PARP11: variants seen among roughly 807,000 people sequenced by gnomAD.
PARP11 encodes the protein poly(ADP-ribose) polymerase family member 11.
Under a neutral mutation model 42.9 loss-of-function variants are expected in PARP11, and 31 were observed. That is an observed-to-expected ratio of 0.72 (90% CI 0.54 to 0.98). PARP11 has a LOEUF of 0.98. PARP11 is among the 50% of genes least tolerant of loss of function. PARP11 has a pLI of 0.00. For synonymous variants in PARP11, 137 were observed against 127.3 expected, an observed-to-expected ratio of 1.08 and a Z score of -0.51; for missense variants, 365 against 413.1, an observed-to-expected ratio of 0.88 and a Z score of 1.01.
rs1017688639 is a variant in PARP11 at position 3,873,132 on chromosome 12, A to G, written c.18+80T>C. The G allele has an allele frequency of 3.1e-6, 4 of 1,270,868 alleles. No individual in the cohort carries two copies. In the Admixed American group the frequency reaches 7.9e-5, roughly 25 times the overall value. The allele number at this position is 1,270,868 out of a possible 1,614,324, so 78.7% of individuals were successfully genotyped here. On this transcript the variant is annotated intron_variant, in intron 1 of 7. Transcript: ENST00000228820. ...ACCCAGACTGAAGCGAGCGCGGGGA[A>G]GCAGTTCCGGTGACCCCCTCCCGCC...
intron 6 of PARP11, among the ~76,000 whole-genome samples, chr12:3,819,705 A>C (rs944646053): frequency 2.0e-5 from 3 of 152,200 alleles, no homozygotes. Context: ...CTCTTAGTTT[A>C]GCTTATAAGG....
chr12:3,816,303 A>C (rs1667379592), intron 6 of PARP11, among the ~76,000 whole-genome samples: 1 of 152,210 alleles, frequency 6.6e-6, no homozygotes, highest in Admixed American at 6.5e-5. Context: ...TACCCCTTCT[A>C]GTTTTGAATC....
At position 3,840,604 on chromosome 12, in the gene PARP11, G is replaced by C. The variant is rs1947865136; in HGVS notation, c.19-10586C>G. 11 of 1,344,822 alleles carry C rather than the reference G, an allele frequency of 8.2e-6. No individual in the cohort carries two copies. The highest frequency in any genetic ancestry group is 7.0e-5 in the South Asian group (6 of 85,560). The allele number at this position is 1,344,822 out of a possible 1,614,324, so 83.3% of individuals were successfully genotyped here. On this transcript the variant is annotated intron_variant, in intron 1 of 7. Transcript: ENST00000228820. The surrounding 1 kb of genome is among the most constrained non-coding windows in gnomAD (Gnocchi z 4.4). ...TGAGGATTCTGATCACACAAGTCGA[G>C]AATCTAACTATTGCTACTTCTCAGA...
chr12:3,864,587 A>G (rs1217493515), intron 1 of PARP11, among the ~76,000 whole-genome samples: 2 of 152,206 alleles, frequency 1.3e-5, no homozygotes, highest in African/African-American at 4.8e-5. Flanking sequence ...AAATTATTTA[A>G]CAGATGTTGG....
intron 1 of PARP11, chr12:3,839,644 A>C: frequency 1.0e-6 from 1 of 1,004,912 alleles, no homozygotes; most frequent in Non-Finnish European, 1.6e-6. Context: ...TATGTACAGG[A>C]AAGATTTTAT....
intron 4 of PARP11, among the ~76,000 whole-genome samples, chr12:3,822,628 T>C (rs1178582021): frequency 6.6e-6 from 1 of 151,576 alleles, no homozygotes; most frequent in Non-Finnish European, 1.5e-5. Context: ...TTATTGACTG[T>C]CTATGTGTGC....
chr12:3,819,860 G>A (rs942062778), intron 6 of PARP11, among the ~76,000 whole-genome samples: 1 of 152,114 alleles, frequency 6.6e-6, no homozygotes, highest in African/African-American at 2.4e-5. Flanking sequence ...TACCATTCTA[G>A]CCTCCTCTCT....
chr12:3,822,364 C>T (rs985699800), intron 4 of PARP11, among the ~76,000 whole-genome samples: 5 of 151,282 alleles, frequency 3.3e-5, no homozygotes, highest in African/African-American at 7.3e-5. Context: ...TTTGGGAGGC[C>T]GAGGCGAGCG....
At chr12:3,824,148 G>A (rs933150564) in intron 4 of PARP11, among the ~76,000 whole-genome samples, 7 of 152,192 alleles carry the variant, frequency 4.6e-5, no homozygotes, top group African/African-American at 1.7e-4. Context: ...AAAGGTGTGT[G>A]ATCAAACTTT....
chr12:3,869,505 T>G (rs181094949), intron 1 of PARP11, among the ~76,000 whole-genome samples: 105 of 152,322 alleles, frequency 6.9e-4, no homozygotes, highest in Admixed American at 4.8e-3. Flanking sequence ...CCCAGCCACA[T>G]AGGCTTCTCT....
rs11062864 is a variant in PARP11, at chr12:3,845,020, A to C, written c.19-15002T>G. Among the ~76,000 whole-genome samples the C allele has an allele frequency of 5.0e-3, 765 of 151,744 alleles. 3 individuals are homozygous for C. Among genetic ancestry groups the C allele is most frequent in the African/African-American group, 0.017 (715 of 41,452 alleles). Reference sequence around the variant, plus strand: ...AAGTATAGAACTGAGGATCATTTGCATTTTTGAGTTGGAAATTATGAAACT... The same window carrying C: ...AAGTATAGAACTGAGGATCATTTGCCTTTTTGAGTTGGAAATTATGAAACT... On this transcript the variant is annotated intron_variant, in intron 1 of 7. Coordinates refer to ENST00000228820, the MANE Select transcript of PARP11 (RefSeq NM_020367.6).
intron 1 of PARP11, among the ~76,000 whole-genome samples, chr12:3,831,237 T>A (rs1017494584): frequency 6.6e-6 from 1 of 151,972 alleles, no homozygotes; most frequent in Non-Finnish European, 1.5e-5. Context: ...TCACTGCATA[T>A]CTTTCAGATC....
At chr12:3,815,509 C>A (rs1477642421) in intron 6 of PARP11, among the ~76,000 whole-genome samples, 1 of 152,240 alleles carries the variant, frequency 6.6e-6, no homozygotes, top group Admixed American at 6.5e-5. Flanking sequence ...ACTCCTGACA[C>A]AGCATAGCTT....
chr12:3,828,631 G>A (rs968511065), intron 3 of PARP11, among the ~76,000 whole-genome samples: 12 of 151,596 alleles, frequency 7.9e-5, no homozygotes, highest in Non-Finnish European at 8.8e-5. Flanking sequence ...CAACTGATAC[G>A]GTGTTTTGTG....
chr12:3,837,371 T>C (rs909943040), intron 1 of PARP11, among the ~76,000 whole-genome samples: 1 of 152,202 alleles, frequency 6.6e-6, no homozygotes, highest in African/African-American at 2.4e-5. Context: ...AGATCTCTAA[T>C]CTCTCTATAG....
chr12:3,838,239 G>T (rs1347025729), intron 1 of PARP11, among the ~76,000 whole-genome samples: 1 of 151,588 alleles, frequency 6.6e-6, no homozygotes, highest in Non-Finnish European at 1.5e-5. Context: ...CAAAAAAGCA[G>T]AAATCGTATC....
chr12:3,831,905 G>A (rs894919621), intron 1 of PARP11, among the ~76,000 whole-genome samples: 2 of 152,158 alleles, frequency 1.3e-5, no homozygotes, highest in South Asian at 4.2e-4. Context: ...GTGAGAAAGA[G>A]AGAAGGAAAG....
chr12:3,819,567 G>C (rs1947354226), intron 6 of PARP11, among the ~76,000 whole-genome samples: 1 of 152,078 alleles, frequency 6.6e-6, no homozygotes, highest in African/African-American at 2.4e-5. Flanking sequence ...TCCCAGTTGA[G>C]AACCACTGCT....
intron 2 of PARP11, among the ~76,000 whole-genome samples, chr12:3,829,266 A>G (rs1407623618): frequency 6.6e-6 from 1 of 152,236 alleles, no homozygotes; most frequent in East Asian, 1.9e-4. Flanking sequence ...ACAGATATAT[A>G]TAGAAATATA....
Sources: gnomAD v4.1 joint callset for allele counts (sites outside exome capture counted in the v4.1 genomes callset) on GRCh38, gnomAD v4.1.1 for gene constraint, Gnocchi (gnomAD v3.1) non-coding constraint, MANE v1.5 for transcripts, NCBI Gene and HGNC (gene_info 2026-07-23, HGNC 2026-07-21) for gene names.